Variants in DSCAM observed in about 807,000 individuals in gnomAD.
The protein encoded by DSCAM is cell adhesion molecule DSCAM.
In DSCAM, 47 loss-of-function variants were observed where a neutral mutation model predicts 217.7. That is an observed-to-expected ratio of 0.22 (90% CI 0.17 to 0.28). The LOEUF is 0.28. Among genes scored for constraint, DSCAM ranks in the 10% least tolerant of loss-of-function variants. The pLI, the probability that DSCAM is intolerant of heterozygous loss-of-function variation, is 1.00. For missense variants in DSCAM, 2,080 were observed against 2,618.3 expected (o/e 0.79, Z 4.49); for synonymous variants, 1,056 against 1,015.3 (o/e 1.04, Z -0.76).
chr21:40,790,967 A>G (rs1418124050), intron 1 of DSCAM, among the ~76,000 whole-genome samples: 1 of 151,588 alleles, frequency 6.6e-6, no homozygotes, highest in East Asian at 2.0e-4. Context: ...ACCTGAGGTC[A>G]GGAGTTTAAG....
At chr21:40,642,349 G>T (rs13050930) in intron 3 of DSCAM, among the ~76,000 whole-genome samples, 2 of 152,094 alleles carry the variant, frequency 1.3e-5, no homozygotes, top group East Asian at 3.9e-4. Flanking sequence ...CGATAAGTAT[G>T]TATCCAGCAC....
chr21:40,208,681 T>A (rs1410115683), intron 11 of DSCAM, among the ~76,000 whole-genome samples: 1 of 152,112 alleles, frequency 6.6e-6, no homozygotes, highest in Non-Finnish European at 1.5e-5. Flanking sequence ...ACATTTTGAG[T>A]ATGACGAGAA....
At chr21:40,152,137 A>C (rs1447753215) in intron 16 of DSCAM, among the ~76,000 whole-genome samples, 1 of 151,286 alleles carries the variant, frequency 6.6e-6, no homozygotes, top group Non-Finnish European at 1.5e-5. Context: ...ACACAAAAAA[A>C]ACAAAAAACT....
intron 3 of DSCAM, among the ~76,000 whole-genome samples, chr21:40,418,583 G>A (rs1160432483): frequency 6.6e-6 from 1 of 152,112 alleles, no homozygotes; most frequent in South Asian, 2.1e-4. Flanking sequence ...GTACTGAAGG[G>A]CAAAAGTAAG....
chr21:40,358,913 T>C (rs1310097270), intron 4 of DSCAM, among the ~76,000 whole-genome samples: 1 of 151,608 alleles, frequency 6.6e-6, no homozygotes, highest in African/African-American at 2.4e-5. Context: ...CAAAAAATAT[T>C]AAAAATGCTT....
rs991212273 is a variant in DSCAM, at chr21:40,042,667, G to C, written c.5390C>G (p.Ala1797Gly). Residue 1797 changes from alanine (A) to glycine (G), a missense_variant, in exon 32 of 33, where the codon GCA becomes GGA. Physicochemically the swap from Ala to Gly is moderately conservative, Grantham distance 60. Coordinates refer to ENST00000400454, the MANE Select transcript of DSCAM (RefSeq NM_001389.5). ...SVSPSQDTDRARSSMVSTESA... is the reference protein window; with the variant it reads ...SVSPSQDTDRGRSSMVSTESA... ...TTCTGTGGAGACCATGCTGCTTCTTGCTCGATCTACACCAGGAAAGAGAAA... is the reference window on the plus strand; with the variant it reads ...TTCTGTGGAGACCATGCTGCTTCTTCCTCGATCTACACCAGGAAAGAGAAA... 4 of 1,292,208 alleles carry C rather than the reference G, an allele frequency of 3.1e-6. No homozygotes were observed. Among genetic ancestry groups the C allele is most frequent in the African/African-American group, 2.2e-5 (1 of 45,018 alleles). The allele number at this position is 1,292,208 out of a possible 1,614,324, so 80.0% of individuals were successfully genotyped here.
chr21:40,393,931 G>A (rs563768301), intron 3 of DSCAM, among the ~76,000 whole-genome samples: 50 of 152,124 alleles, frequency 3.3e-4, no homozygotes, highest in Non-Finnish European at 6.5e-4. Context: ...ATCTGTTCTT[G>A]AGTGTTTCTA....
intron 2 of DSCAM, among the ~76,000 whole-genome samples, chr21:40,693,926 A>T (rs2090568861): frequency 6.6e-6 from 1 of 152,010 alleles, no homozygotes; most frequent in Non-Finnish European, 1.5e-5. Context: ...AAGCTCGGCC[A>T]CTCCCTGACT....
intron 31 of DSCAM, among the ~76,000 whole-genome samples, chr21:40,043,394 G>A (rs376930702): frequency 6.6e-6 from 1 of 152,176 alleles, no homozygotes; most frequent in African/African-American, 2.4e-5. Flanking sequence ...TTCACATGGC[G>A]ATGATCCTCC....
At chr21:40,189,017 T>G (rs773112632) in intron 12 of DSCAM, 25 bp downstream of exon 12, 1 of 1,608,562 alleles carries the variant, frequency 6.2e-7, no homozygotes, top group Non-Finnish European at 8.5e-7. Context: ...TTCATTCCAT[T>G]GTGTTGTATT....
At chr21:40,832,842 A>G (rs1413227666) in intron 1 of DSCAM, among the ~76,000 whole-genome samples, 1 of 152,140 alleles carries the variant, frequency 6.6e-6, no homozygotes. Context: ...ACCACCATCG[A>G]TATTTTCTAC....
At chr21:40,477,777 C>G (rs1342573602) in intron 3 of DSCAM, among the ~76,000 whole-genome samples, 1 of 152,050 alleles carries the variant, frequency 6.6e-6, no homozygotes, top group Non-Finnish European at 1.5e-5. Flanking sequence ...AAATTGTTAA[C>G]ATTTTATTCA....
At chr21:40,743,467 C>A (rs191100268) in intron 1 of DSCAM, among the ~76,000 whole-genome samples, 47 of 152,220 alleles carry the variant, frequency 3.1e-4, no homozygotes, top group African/African-American at 1.1e-3. Context: ...AGAAAATGTT[C>A]TCCATAAATT....
intron 3 of DSCAM, among the ~76,000 whole-genome samples, chr21:40,478,263 T>C (rs943532974): frequency 7.9e-5 from 12 of 152,224 alleles, no homozygotes; most frequent in Non-Finnish European, 1.5e-4. Context: ...ATTTGCATAG[T>C]TTTTTGATTG....
chr21:40,157,282 A>G (rs546480630), intron 16 of DSCAM, among the ~76,000 whole-genome samples: 135 of 152,292 alleles, frequency 8.9e-4, no homozygotes, highest in Non-Finnish European at 1.5e-3. Context: ...AAAGCTGAAA[A>G]TATCTGCTCT....
At chr21:40,125,764 A>G (rs1018240881) in intron 19 of DSCAM, among the ~76,000 whole-genome samples, 1 of 152,252 alleles carries the variant, frequency 6.6e-6, no homozygotes, top group Non-Finnish European at 1.5e-5. Flanking sequence ...AACCTCTATC[A>G]GGTGAGGGTA....
At chr21:40,556,348 TGTA>T (rs2076671640) in intron 3 of DSCAM, among the ~76,000 whole-genome samples, 1 of 152,216 alleles carries the variant, frequency 6.6e-6, no homozygotes, top group African/African-American at 2.4e-5. Context: ...ACACATATTT[TGTA>T]TGTTATCTGT....
chr21:40,341,212 C>T (rs2074487695), intron 6 of DSCAM, among the ~76,000 whole-genome samples: 1 of 152,156 alleles, frequency 6.6e-6, no homozygotes, highest in Admixed American at 6.5e-5. Context: ...GCAGACGTTG[C>T]CTCATCACAT....
intron 3 of DSCAM, among the ~76,000 whole-genome samples, chr21:40,577,166 G>T: frequency 6.8e-6 from 1 of 148,078 alleles, no homozygotes; most frequent in African/African-American, 2.5e-5. Context: ...ATTTATTTAT[G>T]TATTATATAT....
Sources: allele counts gnomAD v4.1 joint callset (sites outside exome capture counted in the v4.1 genomes callset), GRCh38; gene constraint gnomAD v4.1.1; transcripts MANE v1.5; gene names NCBI Gene and HGNC (gene_info 2026-07-23, HGNC 2026-07-21).